Variants in ERBB4 observed in about 807,000 individuals in gnomAD.
ERBB4 encodes the protein erb-b2 receptor tyrosine kinase 4.
A neutral mutation model predicts 158.0 loss-of-function variants in ERBB4; 42 were observed. That is an observed-to-expected ratio of 0.27 (90% CI 0.21 to 0.34). The LOEUF is 0.34. ERBB4 is among the 10% of genes least tolerant of loss of function. The pLI is 1.00. For synonymous variants in ERBB4, 583 were observed against 558.7 expected (o/e 1.04, Z -0.61); for missense variants, 1,333 against 1,624.1 (o/e 0.82, Z 3.08).
At chr2:211,632,183 A>G (rs2070166388) in intron 16 of ERBB4, among the ~76,000 whole-genome samples, 1 of 152,082 alleles carries the variant, frequency 6.6e-6, no homozygotes, top group South Asian at 2.1e-4. Flanking sequence ...TCTAAATGGG[A>G]TTTTCTAAAG....
At chr2:211,946,736 C>T (rs2080709986) in intron 3 of ERBB4, among the ~76,000 whole-genome samples, 3 of 151,696 alleles carry the variant, frequency 2.0e-5, no homozygotes, top group Admixed American at 2.0e-4. Flanking sequence ...AAAAGCCTCC[C>T]ACAGAACTTT....
intron 3 of ERBB4, among the ~76,000 whole-genome samples, chr2:211,828,926 G>A (rs1391599116): frequency 6.6e-6 from 1 of 152,062 alleles, no homozygotes; most frequent in African/African-American, 2.4e-5. Flanking sequence ...TGAGGTTTCA[G>A]CTCAATTTTG....
chr2:211,427,197 G>GTGA (rs1330724865), intron 22 of ERBB4, among the ~76,000 whole-genome samples: 2 of 151,086 alleles, frequency 1.3e-5, no homozygotes, highest in African/African-American at 4.8e-5. Flanking sequence ...AAGTTCTTCA[G>GTGA]TGATTGAATG....
chr2:212,469,555 C>A (rs974340324), intron 1 of ERBB4, among the ~76,000 whole-genome samples: 3 of 152,048 alleles, frequency 2.0e-5, no homozygotes, highest in African/African-American at 7.2e-5. Flanking sequence ...TTATGTCTTG[C>A]GTTCCAACAG....
chr2:211,497,943 G>C (rs34672401), intron 20 of ERBB4, among the ~76,000 whole-genome samples: 5 of 151,552 alleles, frequency 3.3e-5, no homozygotes, highest in African/African-American at 1.2e-4. Flanking sequence ...GTTGTTCAGC[G>C]GCAAGATGAA....
At chr2:212,535,730 G>GC (rs1298480071) in intron 1 of ERBB4, among the ~76,000 whole-genome samples, 2 of 152,082 alleles carry the variant, frequency 1.3e-5, no homozygotes, top group Non-Finnish European at 2.9e-5. Context: ...ATGCATAATT[G>GC]AAAATGAGAC....
intron 3 of ERBB4, among the ~76,000 whole-genome samples, chr2:211,916,773 A>G (rs923986205): frequency 2.6e-5 from 4 of 152,138 alleles, no homozygotes; most frequent in African/African-American, 9.7e-5. Context: ...AAAATTTAAG[A>G]TTCTTATGTA....
intron 1 of ERBB4, among the ~76,000 whole-genome samples, chr2:212,317,847 T>C (rs1376245423): frequency 1.3e-5 from 2 of 151,514 alleles, no homozygotes. Flanking sequence ...AAAAATTCTT[T>C]AAATAAATTA....
intron 1 of ERBB4, among the ~76,000 whole-genome samples, chr2:212,496,221 G>A (rs1168158512): frequency 6.6e-6 from 1 of 150,554 alleles, no homozygotes; most frequent in Admixed American, 6.7e-5. Flanking sequence ...CAGAAAACCA[G>A]AATAAAGAAT....
At chr2:212,124,297 C>T (rs2079850450) in intron 2 of ERBB4, among the ~76,000 whole-genome samples, 1 of 152,022 alleles carries the variant, frequency 6.6e-6, no homozygotes, top group African/African-American at 2.4e-5. Context: ...AAACCAGATG[C>T]TTTTCTTTCC....
At chr2:211,846,704 T>A (rs2077597923) in intron 3 of ERBB4, among the ~76,000 whole-genome samples, 1 of 152,100 alleles carries the variant, frequency 6.6e-6, no homozygotes, top group African/African-American at 2.4e-5. Context: ...CCTCCTCAAT[T>A]GAGTAAAAAA....
chr2:212,244,012 A>G (rs960714624), intron 1 of ERBB4, among the ~76,000 whole-genome samples: 23 of 152,254 alleles, frequency 1.5e-4, no homozygotes, highest in African/African-American at 5.1e-4. Flanking sequence ...TCTAAAATCA[A>G]TATTTTGTAC....
chr2:211,698,545 A>ATAT lies in ERBB4; in HGVS notation c.1489+3419_1489+3421dup, dbSNP rs1380334384. The stretch of plus-strand genomic sequence containing the variant: ...TAATGTAGTTTAAAAATATTTTTAT[A>ATAT]TATTTTTGATTGGTTTTATATTGAA... On this transcript the variant is annotated intron_variant, in intron 12 of 27. Transcript: ENST00000342788. Among the ~76,000 whole-genome samples, 5 of 151,774 alleles carry ATAT rather than the reference A, an allele frequency of 3.3e-5. No individual in the cohort carries two copies. The South Asian group carries it at 6.2e-4, about 19-fold the overall frequency.
chr2:212,525,847 A>G (rs1290401981), intron 1 of ERBB4, among the ~76,000 whole-genome samples: 1 of 152,028 alleles, frequency 6.6e-6, no homozygotes, highest in East Asian at 1.9e-4. Flanking sequence ...ATGAAATTCT[A>G]CCAGATTCAA....
At chr2:211,961,865 G>A (rs1313680465) in intron 2 of ERBB4, among the ~76,000 whole-genome samples, 1 of 152,106 alleles carries the variant, frequency 6.6e-6, no homozygotes, top group Admixed American at 6.6e-5. Flanking sequence ...TATGTCACAT[G>A]TCTTAAAGGA....
At chr2:211,468,796 A>T (rs2064760571) in intron 20 of ERBB4, among the ~76,000 whole-genome samples, 1 of 151,678 alleles carries the variant, frequency 6.6e-6, no homozygotes. Flanking sequence ...CATTAGCCTC[A>T]GGAAATATCT....
At chr2:212,360,795 T>C (rs931991659) in intron 1 of ERBB4, among the ~76,000 whole-genome samples, 1 of 151,718 alleles carries the variant, frequency 6.6e-6, no homozygotes, top group Non-Finnish European at 1.5e-5. Flanking sequence ...TCTAAATTCT[T>C]CACTTTTTTT....
At position 211,387,015 on chromosome 2, in the gene ERBB4, A is replaced by G; in HGVS notation, c.3319T>C (p.Cys1107Arg). ...ACTGGCTTGCGTAGGGTGCCATTAC[A>G]GCAGGAGTCATCAAAAATCTCAGCA... The part of the protein sequence containing the change: ...ATAEIFDDSC[C>R]NGTLRKPVAP... The change falls in exon 27 of 28, where the codon TGT becomes CGT. Residue 1107 changes from cysteine (C) to arginine (R), a missense_variant. Physicochemically the swap from Cys to Arg is radical, Grantham distance 180. This residue lies in a region of ERBB4 where 252 missense variants were observed against 241.3 expected (regional missense o/e 1.04). Transcript: ENST00000342788. 2 of 1,614,072 alleles carry G rather than the reference A, an allele frequency of 1.2e-6. No individual in the cohort carries two copies. The highest frequency in any genetic ancestry group is 1.7e-6 in the Non-Finnish European group (2 of 1,180,008).
intron 20 of ERBB4, among the ~76,000 whole-genome samples, chr2:211,512,439 C>G (rs1187307205): frequency 1.9e-5 from 2 of 103,958 alleles, no homozygotes; most frequent in African/African-American, 7.2e-5. Flanking sequence ...GAACAAAAAC[C>G]AAAATCTCAA....
Sources: allele counts gnomAD v4.1 joint callset (sites outside exome capture counted in the v4.1 genomes callset), GRCh38; gene constraint gnomAD v4.1.1; regional missense constraint gnomAD v4.1.1; transcripts MANE v1.5; gene names NCBI Gene and HGNC (gene_info 2026-07-23, HGNC 2026-07-21).